Variants in GRIK2 observed in about 807,000 individuals in gnomAD.
GRIK2 encodes the protein glutamate receptor ionotropic, kainate 2.
GRIK2 carries 32 observed loss-of-function variants against 100.3 expected under a neutral mutation model. The observed-to-expected ratio is 0.32, with a 90% confidence interval of 0.24 to 0.43. The LOEUF (loss-of-function observed/expected upper bound fraction) is 0.43. Ranked by LOEUF, GRIK2 falls within the 20% of genes least tolerant of loss-of-function variation. GRIK2 has a pLI of 1.00. For synonymous variants in GRIK2, 417 were observed against 389.4 expected, an observed-to-expected ratio of 1.07 and a Z score of -0.83; for missense variants, 843 against 1,114.9, an observed-to-expected ratio of 0.76 and a Z score of 3.47.
chr6:101,836,547 T>A (rs1402804904), intron 10 of GRIK2, among the ~76,000 whole-genome samples: 2 of 150,400 alleles, frequency 1.3e-5, no homozygotes, highest in Non-Finnish European at 3.0e-5. Context: ...TTTAACTTTT[T>A]AAAAATATGG....
chr6:102,053,091 A>AACACAC (rs148536098), intron 15 of GRIK2, among the ~76,000 whole-genome samples: 11,045 of 149,230 alleles, frequency 0.074, 479 homozygotes, highest in Middle Eastern at 0.18. Flanking sequence ...CAACAACAAC[A>AACACAC]ACACACACAC....
intron 2 of GRIK2, among the ~76,000 whole-genome samples, chr6:101,579,496 T>G (rs1158618284): frequency 2.0e-5 from 3 of 152,022 alleles, no homozygotes; most frequent in African/African-American, 7.2e-5. Flanking sequence ...TTCTCTTTCT[T>G]TCTTTTTCTT....
At chr6:101,649,636 C>T (rs1742809235) in intron 4 of GRIK2, among the ~76,000 whole-genome samples, 1 of 152,060 alleles carries the variant, frequency 6.6e-6, no homozygotes. Context: ...AGTCACCTTC[C>T]TAAACTCTGG....
intron 15 of GRIK2, among the ~76,000 whole-genome samples, chr6:102,043,203 A>G (rs1035951419): frequency 1.3e-5 from 2 of 151,806 alleles, no homozygotes; most frequent in Non-Finnish European, 2.9e-5. Flanking sequence ...TATGACGTAA[A>G]AGTGACATTG....
chr6:101,965,753 C>T (rs1792628522), intron 14 of GRIK2, among the ~76,000 whole-genome samples: 1 of 151,820 alleles, frequency 6.6e-6, no homozygotes, highest in Non-Finnish European at 1.5e-5. Flanking sequence ...AATTTTACCT[C>T]ATTTGAGTAA....
intron 7 of GRIK2, among the ~76,000 whole-genome samples, chr6:101,776,633 C>A (rs1778764550): frequency 6.6e-6 from 1 of 152,144 alleles, no homozygotes; most frequent in South Asian, 2.1e-4. Flanking sequence ...CAATAGCAGT[C>A]CTTCATTTAA....
chr6:101,982,826 C>T (rs1424111197), intron 14 of GRIK2, among the ~76,000 whole-genome samples: 1 of 151,660 alleles, frequency 6.6e-6, no homozygotes, highest in Admixed American at 6.6e-5. Context: ...GGATGAATGG[C>T]ATCTCATTGC....
At chr6:101,803,690 C>T (rs1012360711) in intron 9 of GRIK2, among the ~76,000 whole-genome samples, 2 of 151,784 alleles carry the variant, frequency 1.3e-5, no homozygotes, top group Non-Finnish European at 2.9e-5. Context: ...ATATCGAAAT[C>T]ACTAGGAGGA....
intron 7 of GRIK2, among the ~76,000 whole-genome samples, chr6:101,734,145 C>G (rs577345855): frequency 2.2e-4 from 34 of 152,170 alleles, no homozygotes; most frequent in African/African-American, 7.7e-4. Flanking sequence ...TTACCAAAAT[C>G]TGTATTAGTC....
At chr6:101,600,372 A>C (rs1779152892) in intron 2 of GRIK2, among the ~76,000 whole-genome samples, 2 of 151,622 alleles carry the variant, frequency 1.3e-5, no homozygotes, top group South Asian at 2.1e-4. Flanking sequence ...GGGTTGCTTT[A>C]GCTTTTTGGG....
intron 7 of GRIK2, among the ~76,000 whole-genome samples, chr6:101,728,144 A>C (rs372914663): frequency 5.9e-5 from 9 of 152,172 alleles, no homozygotes; most frequent in East Asian, 5.8e-4. Flanking sequence ...AATTTGGTTA[A>C]CTTATCACAT....
intron 2 of GRIK2, among the ~76,000 whole-genome samples, chr6:101,441,436 A>T (rs188279821): frequency 4.1e-4 from 63 of 152,300 alleles, no homozygotes; most frequent in Non-Finnish European, 4.7e-4. Flanking sequence ...TTTTTCATGC[A>T]TATGGTGAGA....
chr6:101,646,988 G>A (rs1781554599), intron 4 of GRIK2, among the ~76,000 whole-genome samples: 1 of 152,046 alleles, frequency 6.6e-6, no homozygotes, highest in African/African-American at 2.4e-5. Context: ...GCCAGTAACA[G>A]TCTAAACACT....
chr6:101,719,138 G>GTTTGTT, intron 7 of GRIK2, among the ~76,000 whole-genome samples: 1 of 101,150 alleles, frequency 9.9e-6, no homozygotes, highest in African/African-American at 5.0e-5. Flanking sequence ...GGCTGCAAGG[G>GTTTGTT]TTTTTTTTTT....
chr6:101,579,419 ATCTT>A (rs1370410435), intron 2 of GRIK2, among the ~76,000 whole-genome samples: 13 of 151,668 alleles, frequency 8.6e-5, no homozygotes, highest in African/African-American at 2.7e-4. Flanking sequence ...TTGTCTCTTT[ATCTT>A]TCTTTATCTT....
intron 2 of GRIK2, among the ~76,000 whole-genome samples, chr6:101,592,967 A>T (rs1778745579): frequency 6.6e-6 from 1 of 151,868 alleles, no homozygotes; most frequent in African/African-American, 2.4e-5. Flanking sequence ...AATAAAAACA[A>T]ATTACCAGAT....
intron 7 of GRIK2, among the ~76,000 whole-genome samples, chr6:101,759,952 G>T (rs1434680772): frequency 8.2e-6 from 1 of 121,956 alleles, no homozygotes; most frequent in African/African-American, 4.2e-5. Flanking sequence ...CGCAATCTCG[G>T]CTCACTTCCC....
chr6:101,605,633 G>A (rs943534985), intron 2 of GRIK2, among the ~76,000 whole-genome samples: 5 of 152,050 alleles, frequency 3.3e-5, no homozygotes, highest in Admixed American at 6.6e-5. Flanking sequence ...AGCCAAGATC[G>A]TGCCATTGCA....
chr6:101,920,804 T>C (rs1258904481), intron 12 of GRIK2, among the ~76,000 whole-genome samples: 2 of 151,806 alleles, frequency 1.3e-5, no homozygotes, highest in Non-Finnish European at 2.9e-5. Flanking sequence ...GAAATGTTTT[T>C]GAAGGAAAGT....
Sources: allele counts gnomAD v4.1 joint callset (sites outside exome capture counted in the v4.1 genomes callset), GRCh38; gene constraint gnomAD v4.1.1; transcripts MANE v1.5; gene names NCBI Gene and HGNC (gene_info 2026-07-23, HGNC 2026-07-21).